The following SAMD3 variants were observed in gnomAD, a reference collection of about 807,000 sequenced individuals.
The protein encoded by SAMD3 is sterile alpha motif domain-containing protein 3.
A neutral mutation model predicts 58.5 loss-of-function variants in SAMD3; 63 were observed. That is an observed-to-expected ratio of 1.08 (90% CI 0.88 to 1.33). SAMD3 has a LOEUF of 1.33. Ranked by LOEUF, SAMD3 falls within the 40% of genes most tolerant of loss-of-function variation. The pLI is 0.00. For missense variants in SAMD3, 604 were observed against 608.4 expected (o/e 0.99, Z 0.08); for synonymous variants, 220 against 210.3 (o/e 1.05, Z -0.40).
chr6:130,214,749 C>T (rs1335628763), intron 3 of SAMD3, among the ~76,000 whole-genome samples: 2 of 152,050 alleles, frequency 1.3e-5, no homozygotes, highest in Admixed American at 1.3e-4. Context: ...ACAATAAAAA[C>T]TTATTATTTC....
intron 1 of SAMD3, among the ~76,000 whole-genome samples, chr6:130,217,136 A>T (rs1796046124): frequency 6.6e-6 from 1 of 152,226 alleles, no homozygotes; most frequent in Non-Finnish European, 1.5e-5. Context: ...ATAAAATAAA[A>T]AAGCATATAG....
At chr6:130,284,816 A>G (rs1775101265) in intron 2 of SAMD3, among the ~76,000 whole-genome samples, 1 of 152,214 alleles carries the variant, frequency 6.6e-6, no homozygotes. Context: ...GTCACAAGGA[A>G]GTAATAACAT....
chr6:130,349,002 C>T (rs1396662805), intron 1 of SAMD3, among the ~76,000 whole-genome samples: 1 of 151,992 alleles, frequency 6.6e-6, no homozygotes, highest in Non-Finnish European at 1.5e-5. Flanking sequence ...GAAATGAAGG[C>T]AGAAATAAAG....
At chr6:130,250,760 G>A (rs556977276) in intron 2 of SAMD3, among the ~76,000 whole-genome samples, 4 of 152,174 alleles carry the variant, frequency 2.6e-5, no homozygotes, top group South Asian at 2.1e-4. Flanking sequence ...ATTATAGCAT[G>A]GATAAGTACT....
chr6:130,293,015 T>G (rs1221369234), intron 2 of SAMD3, among the ~76,000 whole-genome samples: 2 of 152,232 alleles, frequency 1.3e-5, no homozygotes, highest in Non-Finnish European at 2.9e-5. Context: ...TTCTATCTGT[T>G]TCTAATTAAT....
At chr6:130,241,309 G>T (rs929492830) in intron 2 of SAMD3, among the ~76,000 whole-genome samples, 1 of 149,226 alleles carries the variant, frequency 6.7e-6, no homozygotes, top group Non-Finnish European at 1.5e-5. Flanking sequence ...TCTGCCTCCC[G>T]GGTTCAAGTG....
intron 5 of SAMD3, among the ~76,000 whole-genome samples, chr6:130,202,076 G>C (rs990496851): frequency 2.0e-5 from 3 of 152,124 alleles, no homozygotes; most frequent in South Asian, 2.1e-4. Context: ...CTGAACAAAA[G>C]AAAAACAGAT....
chr6:130,298,048 T>G (rs1447575047), intron 2 of SAMD3, among the ~76,000 whole-genome samples: 1 of 152,152 alleles, frequency 6.6e-6, no homozygotes, highest in Non-Finnish European at 1.5e-5. Context: ...TGCAAGACAC[T>G]TCACCATATG....
chr6:130,230,045 C>T (rs6927875), intron 2 of SAMD3, among the ~76,000 whole-genome samples: 21,629 of 152,222 alleles, frequency 0.14, 1,761 homozygotes, highest in East Asian at 0.36. Flanking sequence ...TGATGTACAG[C>T]ATTATATCTT....
At chr6:130,354,204 G>A (rs937614570) in intron 1 of SAMD3, among the ~76,000 whole-genome samples, 2 of 152,152 alleles carry the variant, frequency 1.3e-5, no homozygotes, top group Admixed American at 1.3e-4. Flanking sequence ...AGAGAAAAAG[G>A]AATGCTCATA....
chr6:130,282,264 C>G (rs1297338696), intron 2 of SAMD3, among the ~76,000 whole-genome samples: 1 of 152,098 alleles, frequency 6.6e-6, no homozygotes. Flanking sequence ...GCCTTGTGTT[C>G]TAGTCCTAAA....
chr6:130,273,297 A>G (rs6931937), intron 2 of SAMD3, among the ~76,000 whole-genome samples: 47,056 of 151,704 alleles, frequency 0.31, 7,635 homozygotes, highest in East Asian at 0.47. Context: ...GTTTTGTTTG[A>G]CAGAAGTATA....
intron 10 of SAMD3, 111 bp downstream of exon 10, chr6:130,145,899 A>T (rs1788577292): frequency 2.2e-6 from 1 of 455,106 alleles, no homozygotes; most frequent in Non-Finnish European, 3.5e-6. Flanking sequence ...ATATATTTTT[A>T]AAACTCAATA....
At position 130,214,333 on chromosome 6, in the gene SAMD3, T is replaced by C; in HGVS notation, c.269+4A>G. The C allele has an allele frequency of 6.4e-7, 1 of 1,573,236 alleles. No individual in the cohort carries two copies. The highest frequency in any genetic ancestry group is 1.2e-5 in the South Asian group (1 of 84,002). On this transcript the variant is annotated splice_donor_region_variant and intron_variant, in intron 4 of 11. Transcript: ENST00000439090. ...AAAATAAGGCCATTTATGAACATAC[T>C]CACTCTCGAGCTGCTTCTGTTTGCA...
At chr6:130,236,372 G>T (rs895266965) in intron 2 of SAMD3, among the ~76,000 whole-genome samples, 3 of 144,044 alleles carry the variant, frequency 2.1e-5, no homozygotes, top group Admixed American at 1.4e-4. Context: ...AAGAAAGCAA[G>T]AAAATGATTG....
At chr6:130,261,182 C>A (rs1774120166) in intron 2 of SAMD3, among the ~76,000 whole-genome samples, 1 of 139,590 alleles carries the variant, frequency 7.2e-6, no homozygotes, top group Non-Finnish European at 1.5e-5. Flanking sequence ...GGCCTGATCA[C>A]CCACGGCGTG....
intron 2 of SAMD3, among the ~76,000 whole-genome samples, chr6:130,252,014 C>G (rs1201646912): frequency 6.6e-6 from 1 of 151,758 alleles, no homozygotes; most frequent in Non-Finnish European, 1.5e-5. Context: ...ATTGAAGGCT[C>G]CATTATTGTT....
chr6:130,232,357 C>T (rs988388777), intron 2 of SAMD3, among the ~76,000 whole-genome samples: 2 of 152,160 alleles, frequency 1.3e-5, no homozygotes, highest in Non-Finnish European at 2.9e-5. Flanking sequence ...GGATCGAGTT[C>T]AGTTACCGTC....
intron 1 of SAMD3, among the ~76,000 whole-genome samples, chr6:130,349,256 CA>C (rs1248403205): frequency 6.6e-6 from 1 of 151,906 alleles, no homozygotes; most frequent in African/African-American, 2.4e-5. Context: ...AATAGAGACA[CA>C]AAAAACCCTT....
Sources: gnomAD v4.1 joint callset for allele counts (sites outside exome capture counted in the v4.1 genomes callset) on GRCh38, gnomAD v4.1.1 for gene constraint, MANE v1.5 for transcripts, NCBI Gene and HGNC (gene_info 2026-07-23, HGNC 2026-07-21) for gene names.